RARB: variants seen among roughly 807,000 people sequenced by gnomAD.
The protein encoded by RARB is HBV-activated protein.
Under a neutral mutation model 51.9 loss-of-function variants are expected in RARB, and 17 were observed. The ratio of observed to expected loss-of-function variants is 0.33; its 90% CI spans 0.22 to 0.49. The LOEUF (loss-of-function observed/expected upper bound fraction) is 0.49, where lower values mean the gene tolerates loss of function less well. Among genes scored for constraint, RARB ranks in the 20% least tolerant of loss-of-function variants. The pLI, the probability that RARB is intolerant of heterozygous loss-of-function variation, is 0.99. For synonymous variants in RARB, 215 were observed against 195.4 expected, an observed-to-expected ratio of 1.10 and a Z score of -0.84; for missense variants, 369 against 550.8, an observed-to-expected ratio of 0.67 and a Z score of 3.30.
At chr3:24,923,112 G>C (rs1042160043) in intron 2 of RARB, among the ~76,000 whole-genome samples, 1 of 152,148 alleles carries the variant, frequency 6.6e-6, no homozygotes, top group Non-Finnish European at 1.5e-5. Context: ...CAAGAGACCG[G>C]GTATTTGAGC....
intron 3 of RARB, among the ~76,000 whole-genome samples, chr3:25,519,584 G>A (rs1698315935): frequency 6.6e-6 from 1 of 152,046 alleles, no homozygotes; most frequent in East Asian, 1.9e-4. Context: ...ACAAAATTAT[G>A]CACAGTTTGA....
At chr3:25,228,680 T>A (rs1702111168) in intron 5 of RARB, among the ~76,000 whole-genome samples, 1 of 152,146 alleles carries the variant, frequency 6.6e-6, no homozygotes, top group African/African-American at 2.4e-5. Flanking sequence ...GGTAACCATG[T>A]GCAGGTGGCA....
At chr3:25,566,356 A>G (rs1317165613) in intron 3 of RARB, among the ~76,000 whole-genome samples, 1 of 152,198 alleles carries the variant, frequency 6.6e-6, no homozygotes, top group Non-Finnish European at 1.5e-5. Context: ...CTTTATTCAC[A>G]TAGACAGTGG....
rs543066277 is a variant in RARB, at chr3:25,387,237, C to A, written c.179-73956C>A. ...TTGGAGCCATCAGGGAAGAAAAATT[C>A]TGTTTCCTGGATGGACAGGAGGACA... is the stretch of plus-strand genomic sequence containing the variant. On this transcript the variant is annotated intron_variant, in intron 5 of 11. Coordinates refer to the RARB transcript ENST00000383772. Among the ~76,000 whole-genome samples, 3 of 152,288 alleles carry A rather than the reference C, an allele frequency of 2.0e-5. No individual in the cohort carries two copies. The South Asian group carries it at 6.2e-4, about 32-fold the overall frequency.
rs1553616809 is a variant in RARB, at chr3:24,950,726, A to AGT, written c.-380+91974_-380+91975insGT. 6.6e-4 allele frequency among the ~76,000 whole-genome samples: 98 copies of AGT among 149,434 alleles called. 1 individual carries two copies. Among genetic ancestry groups the AGT allele is most frequent in the African/African-American group, 2.0e-3 (82 of 40,404 alleles). Reference sequence around the variant, plus strand: ...AAGCAGGAAAAGGAAAAAAAAAAAAAAGGTGATTTGGCAAGAGAAAGAGAG... The same window carrying AGT: ...AAGCAGGAAAAGGAAAAAAAAAAAAAGTAGGTGATTTGGCAAGAGAAAGAGAG... On this transcript the variant is annotated intron_variant, in intron 2 of 11. Transcript: ENST00000383772.
intron 3 of RARB, among the ~76,000 whole-genome samples, chr3:25,509,167 C>G (rs191394244): frequency 3.0e-4 from 46 of 152,264 alleles, no homozygotes; most frequent in African/African-American, 1.1e-3. Flanking sequence ...CAAATGCAGC[C>G]CTCGCCTCTA....
intron 2 of RARB, among the ~76,000 whole-genome samples, chr3:24,966,294 C>G (rs893821564): frequency 2.0e-5 from 3 of 152,024 alleles, no homozygotes; most frequent in African/African-American, 7.2e-5. Flanking sequence ...TTGATGATGA[C>G]TGGGATGGGG....
intron 5 of RARB, among the ~76,000 whole-genome samples, chr3:25,226,495 TAC>T (rs888150652): frequency 2.9e-4 from 44 of 152,322 alleles, no homozygotes; most frequent in African/African-American, 1.0e-3. Flanking sequence ...TTGAGCTTTC[TAC>T]ACACGTTTTC....
intron 2 of RARB, among the ~76,000 whole-genome samples, chr3:24,927,682 T>A (rs1245156815): frequency 6.6e-6 from 1 of 152,120 alleles, no homozygotes; most frequent in Non-Finnish European, 1.5e-5. Context: ...TTACTCATAA[T>A]TGATCAGCGT....
At chr3:25,130,639 G>A (rs899073358) in intron 3 of RARB, among the ~76,000 whole-genome samples, 4 of 151,952 alleles carry the variant, frequency 2.6e-5, no homozygotes, top group East Asian at 1.9e-4. Flanking sequence ...GGACCTGGGT[G>A]TGGGGGAATT....
At chr3:25,119,894 C>G (rs1559473418) in intron 3 of RARB, among the ~76,000 whole-genome samples, 1 of 152,032 alleles carries the variant, frequency 6.6e-6, no homozygotes. Flanking sequence ...AGTGAGATAA[C>G]ATGTGAGACT....
intron 3 of RARB, among the ~76,000 whole-genome samples, chr3:25,069,825 G>C (rs911116084): frequency 2.0e-5 from 3 of 152,210 alleles, no homozygotes; most frequent in African/African-American, 7.2e-5. Context: ...AAAATGAACA[G>C]TACATTATGT....
intron 2 of RARB, among the ~76,000 whole-genome samples, chr3:24,861,451 T>C (rs13064710): frequency 2.6e-5 from 4 of 151,812 alleles, no homozygotes; most frequent in Non-Finnish European, 5.9e-5. Flanking sequence ...ACTTTCATAT[T>C]CCTAGAAAAA....
intron 5 of RARB, among the ~76,000 whole-genome samples, chr3:25,209,972 C>G (rs1575222470): frequency 6.6e-6 from 1 of 152,090 alleles, no homozygotes; most frequent in Non-Finnish European, 1.5e-5. Flanking sequence ...TTGATAATCC[C>G]TCTTCTGACA....
intron 2 of RARB, among the ~76,000 whole-genome samples, chr3:24,886,625 A>G (rs1703272007): frequency 6.6e-6 from 1 of 151,968 alleles, no homozygotes; most frequent in Non-Finnish European, 1.5e-5. Flanking sequence ...TAATTTTTGT[A>G]GAGACAAGGT....
intron 2 of RARB, among the ~76,000 whole-genome samples, chr3:25,019,575 C>T (rs894268164): frequency 6.6e-6 from 1 of 152,008 alleles, no homozygotes; most frequent in Non-Finnish European, 1.5e-5. Flanking sequence ...ACATGATGTG[C>T]TGTGAATGTG....
At chr3:25,095,683 T>A (rs1013391045) in intron 3 of RARB, among the ~76,000 whole-genome samples, 4 of 152,086 alleles carry the variant, frequency 2.6e-5, no homozygotes, top group Admixed American at 6.6e-5. Flanking sequence ...AATAAAAAGC[T>A]GAGGGAGGAT....
intron 4 of RARB, among the ~76,000 whole-genome samples, chr3:25,172,985 A>T (rs908635007): frequency 2.0e-5 from 3 of 152,228 alleles, no homozygotes; most frequent in Non-Finnish European, 2.9e-5. Flanking sequence ...TCACGCTCTT[A>T]ACAACTACTC....
intron 2 of RARB, among the ~76,000 whole-genome samples, chr3:24,959,734 C>T (rs17195108): frequency 0.084 from 12,841 of 152,148 alleles, 765 homozygotes; most frequent in Non-Finnish European, 0.13. Flanking sequence ...ACAGTGTGAT[C>T]TTTCCTTGAT....
Sources: gnomAD v4.1 joint callset for allele counts (sites outside exome capture counted in the v4.1 genomes callset) on GRCh38, gnomAD v4.1.1 for gene constraint, MANE v1.5 for transcripts, NCBI Gene and HGNC (gene_info 2026-07-23, HGNC 2026-07-21) for gene names.